Variants in CCSER1 observed in about 807,000 individuals in gnomAD.
The protein encoded by CCSER1 is serine-rich coiled-coil domain-containing protein 1.
A neutral mutation model predicts 82.0 loss-of-function variants in CCSER1; 41 were observed. That is an observed-to-expected ratio of 0.50 (90% confidence interval 0.39 to 0.65). CCSER1 has a LOEUF of 0.65. CCSER1 is among the 30% of genes least tolerant of loss of function. The pLI is 0.00. For synonymous variants in CCSER1, 414 were observed against 383.9 expected (o/e 1.08, Z -0.92); for missense variants, 1,119 against 1,064.2 (o/e 1.05, Z -0.72).
chr4:90,803,719 A>AT (rs1310252613), intron 7 of CCSER1, among the ~76,000 whole-genome samples: 1 of 152,154 alleles, frequency 6.6e-6, no homozygotes, highest in African/African-American at 2.4e-5. Context: ...TCCCTTGGGT[A>AT]TATATCTGGT....
intron 4 of CCSER1, among the ~76,000 whole-genome samples, chr4:90,427,234 G>A (rs1757646633): frequency 6.6e-6 from 1 of 151,752 alleles, no homozygotes; most frequent in East Asian, 1.9e-4. Flanking sequence ...TAACATTGGA[G>A]AATTCGGACA....
chr4:90,251,472 A>G (rs1252468812), intron 1 of CCSER1, among the ~76,000 whole-genome samples: 2 of 151,902 alleles, frequency 1.3e-5, no homozygotes, highest in Admixed American at 1.3e-4. Flanking sequence ...TTCTGCATCT[A>G]TAACAGAAAC....
chr4:90,703,123 T>C (rs528335862), intron 6 of CCSER1, among the ~76,000 whole-genome samples: 1 of 152,322 alleles, frequency 6.6e-6, no homozygotes, highest in South Asian at 2.1e-4. Context: ...GCTATAAATT[T>C]CCCTCTACAC....
intron 3 of CCSER1, among the ~76,000 whole-genome samples, chr4:90,373,713 C>A (rs1747842435): frequency 6.6e-6 from 1 of 152,142 alleles, no homozygotes; most frequent in Non-Finnish European, 1.5e-5. Flanking sequence ...GGGTCTCCAG[C>A]ATTTTTTCAT....
At chr4:90,545,373 A>G (rs1026007200) in intron 5 of CCSER1, among the ~76,000 whole-genome samples, 5 of 152,146 alleles carry the variant, frequency 3.3e-5, no homozygotes, top group African/African-American at 9.7e-5. Context: ...TTTCCCTCCT[A>G]AAAACAAGGC....
chr4:91,362,748 A>G (rs1295872609), intron 10 of CCSER1, among the ~76,000 whole-genome samples: 1 of 151,718 alleles, frequency 6.6e-6, no homozygotes, highest in Non-Finnish European at 1.5e-5. Context: ...AAGTAGGTAA[A>G]ATCTGATTCT....
At chr4:91,193,912 C>T (rs1243986910) in intron 10 of CCSER1, among the ~76,000 whole-genome samples, 1 of 151,814 alleles carries the variant, frequency 6.6e-6, no homozygotes, top group African/African-American at 2.4e-5. Flanking sequence ...TAGTTTGAGA[C>T]AATATTTCGT....
At chr4:91,537,795 A>G (rs1194642284) in intron 10 of CCSER1, among the ~76,000 whole-genome samples, 1 of 145,950 alleles carries the variant, frequency 6.9e-6, no homozygotes, top group Non-Finnish European at 1.5e-5. Flanking sequence ...TACAGAGTAT[A>G]TATATTCCAT....
chr4:91,311,810 G>T (rs1745501687), intron 10 of CCSER1, among the ~76,000 whole-genome samples: 1 of 151,822 alleles, frequency 6.6e-6, no homozygotes, highest in Non-Finnish European at 1.5e-5. Flanking sequence ...ATCCAGGAAT[G>T]CACATAGACA....
intron 1 of CCSER1, among the ~76,000 whole-genome samples, chr4:90,266,143 G>T (rs1725189526): frequency 6.6e-6 from 1 of 152,052 alleles, no homozygotes; most frequent in African/African-American, 2.4e-5. Context: ...GAACTGACAG[G>T]AACCACTATC....
intron 8 of CCSER1, among the ~76,000 whole-genome samples, chr4:90,851,573 CTTTTTTT>C: frequency 7.7e-6 from 1 of 129,802 alleles, no homozygotes; most frequent in East Asian, 2.2e-4. Context: ...ACTTATAGAG[CTTTTTTT>C]TTTTTTTTTT....
At chr4:90,929,041 C>G (rs1354805156) in intron 9 of CCSER1, among the ~76,000 whole-genome samples, 18 of 152,112 alleles carry the variant, frequency 1.2e-4, no homozygotes. Context: ...TGCTTCTCCT[C>G]TTTCTGTTTG....
chr4:90,768,252 C>T (rs1751545200), intron 7 of CCSER1, among the ~76,000 whole-genome samples: 1 of 152,130 alleles, frequency 6.6e-6, no homozygotes, highest in Non-Finnish European at 1.5e-5. Flanking sequence ...TTTCTGAAGC[C>T]TGCCAACGAC....
intron 5 of CCSER1, among the ~76,000 whole-genome samples, chr4:90,556,401 C>T (rs1338715241): frequency 6.6e-6 from 1 of 151,992 alleles, no homozygotes; most frequent in Admixed American, 6.6e-5. Flanking sequence ...TACTAAAATA[C>T]CTAGGCTTAT....
intron 10 of CCSER1, among the ~76,000 whole-genome samples, chr4:91,480,599 TTA>T (rs1206370458): frequency 1.3e-5 from 2 of 152,148 alleles, no homozygotes; most frequent in Non-Finnish European, 2.9e-5. Flanking sequence ...TGTTTCATGT[TTA>T]TGCACTTTGT....
chr4:90,998,221 C>T (rs1176606869), intron 9 of CCSER1, among the ~76,000 whole-genome samples: 1 of 152,112 alleles, frequency 6.6e-6, no homozygotes, highest in Non-Finnish European at 1.5e-5. Flanking sequence ...GCTGGGATTA[C>T]AGGCATGCGT....
At chr4:91,362,194 A>T (rs192460099) in intron 10 of CCSER1, among the ~76,000 whole-genome samples, 6 of 152,000 alleles carry the variant, frequency 3.9e-5, no homozygotes, top group Non-Finnish European at 7.4e-5. Flanking sequence ...TCTTGAGATT[A>T]TGGCAAAGAT....
intron 5 of CCSER1, among the ~76,000 whole-genome samples, chr4:90,551,678 T>TTCTCTCTG (rs1553940925): frequency 1.1e-5 from 1 of 88,570 alleles, no homozygotes; most frequent in Admixed American, 1.3e-4. Flanking sequence ...AAAAATATAA[T>TTCTCTCTG]TCTCTCTCTC....
intron 9 of CCSER1, among the ~76,000 whole-genome samples, chr4:91,061,449 G>A (rs1307828777): frequency 2.6e-5 from 4 of 151,970 alleles, no homozygotes; most frequent in Non-Finnish European, 4.4e-5. Context: ...TAGTCATTAG[G>A]CTGGGAAGGA....
Sources: gnomAD v4.1 joint callset for allele counts (sites outside exome capture counted in the v4.1 genomes callset) on GRCh38, gnomAD v4.1.1 for gene constraint, MANE v1.5 for transcripts, NCBI Gene and HGNC (gene_info 2026-07-23, HGNC 2026-07-21) for gene names.